The following PTGR1 variants were observed in gnomAD, a reference collection of about 807,000 sequenced individuals.
The protein encoded by PTGR1 is 15-oxoprostaglandin 13-reductase.
Under a neutral mutation model 37.7 loss-of-function variants are expected in PTGR1, and 23 were observed. The observed-to-expected ratio is 0.61, with a 90% CI of 0.44 to 0.86. The LOEUF is 0.86. PTGR1 is among the 40% of genes least tolerant of loss of function. PTGR1 has a pLI of 0.00. For missense variants in PTGR1, 351 were observed against 394.3 expected (o/e 0.89, Z 0.93); for synonymous variants, 134 against 140.0 (o/e 0.96, Z 0.30).
At position 111,585,930 on chromosome 9, in the gene PTGR1, G is replaced by A. The variant is rs1408000849; in HGVS notation, c.377+68C>T. 5 of 1,577,586 alleles carry A rather than the reference G, an allele frequency of 3.2e-6. No individual in the cohort carries two copies. The African/African-American group carries it at 5.4e-5, about 17-fold the overall frequency. On this transcript the variant is annotated intron_variant, in intron 5 of 9. Transcript: ENST00000407693. ...AATATCTTCCTGTTGACCAAGTTCTGAACAAACCATTTTGGAAAATCAGAG... is the reference window on the plus strand; with the variant it reads ...AATATCTTCCTGTTGACCAAGTTCTAAACAAACCATTTTGGAAAATCAGAG...
At chr9:111,584,840 T>G (rs1243127293) in intron 5 of PTGR1, among the ~76,000 whole-genome samples, 1 of 152,176 alleles carries the variant, frequency 6.6e-6, no homozygotes, top group Non-Finnish European at 1.5e-5. Context: ...GTTTTAAATT[T>G]GAAATGATGT....
chr9:111,574,831 C>T lies in PTGR1; in HGVS notation c.663G>A (p.Glu221=). The T allele has an allele frequency of 6.2e-7, 1 of 1,613,014 alleles. No individual in the cohort carries two copies. The highest frequency in any genetic ancestry group is 8.5e-7 in the Non-Finnish European group (1 of 1,179,262). The stretch of plus-strand genomic sequence containing the variant: ...TCTGGCCGATAACAGTGTTTGAAAA[C>T]TCTCCACCTACCTAAACAGATAGCA... ...YDCYFDNVGG[E]FSNTVIGQMK... Residue 221 remains glutamate (E), a synonymous_variant, in exon 8 of 10, where the codon GAG becomes GAA. Transcript: ENST00000407693.
At position 111,583,537 on chromosome 9, in the gene PTGR1, T is replaced by C. The variant is rs114998608; in HGVS notation, c.430A>G (p.Thr144Ala). The change falls in exon 6 of 10, where the codon ACA (threonine) becomes GCA (alanine). Residue 144 changes from threonine (T) to alanine (A), a missense_variant. Transcript: ENST00000407693. ...CCAGCTGCTGCATTAACCATCACTG[T>C]TTCTCCACCCTTCACACCACAGATT... ...LEICGVKGGE[T>A]VMVNAAAGAV... 5 of 1,614,148 alleles carry C rather than the reference T, an allele frequency of 3.1e-6. No homozygotes were observed. The highest frequency in any genetic ancestry group is 2.2e-5 in the East Asian group (1 of 44,892).
intron 5 of PTGR1, among the ~76,000 whole-genome samples, chr9:111,583,902 G>C (rs1829354999): frequency 6.6e-6 from 1 of 152,212 alleles, no homozygotes; most frequent in African/African-American, 2.4e-5. Context: ...GATTCAAGAA[G>C]AGAGAGCTGT....
chr9:111,550,846 C>T (rs1271653560), intron 9 of PTGR1, among the ~76,000 whole-genome samples: 4 of 152,100 alleles, frequency 2.6e-5, no homozygotes, highest in African/African-American at 4.8e-5. Flanking sequence ...TTTCTCTGAG[C>T]ATGTTAATTA....
intron 2 of PTGR1, among the ~76,000 whole-genome samples, chr9:111,596,028 C>T (rs1462116437): frequency 6.6e-6 from 1 of 152,182 alleles, no homozygotes; most frequent in Non-Finnish European, 1.5e-5. Context: ...AGGACATCCT[C>T]CCCATAGTCT....
chr9:111,570,570 ACCAG>A (rs1467520520), intron 8 of PTGR1, among the ~76,000 whole-genome samples: 1 of 151,830 alleles, frequency 6.6e-6, no homozygotes, highest in Non-Finnish European at 1.5e-5. Flanking sequence ...GGAGTTCGAG[ACCAG>A]CCTGGCCAAC....
At chr9:111,566,374 G>A (rs1463710097) in intron 9 of PTGR1, among the ~76,000 whole-genome samples, 1 of 152,172 alleles carries the variant, frequency 6.6e-6, no homozygotes. Flanking sequence ...CAGCTCCCTG[G>A]TGACAGCCCA....
intron 8 of PTGR1, 51 bp from the exon 9 acceptor site, chr9:111,570,260 G>C (rs748350109): frequency 1.3e-6 from 2 of 1,579,112 alleles, no homozygotes; most frequent in Non-Finnish European, 1.7e-6. Context: ...AGGTGCCCAT[G>C]GTGAAACAAG....
At chr9:111,571,109 G>C (rs1403959907) in intron 8 of PTGR1, among the ~76,000 whole-genome samples, 1 of 150,250 alleles carries the variant, frequency 6.7e-6, no homozygotes, top group African/African-American at 2.4e-5. Context: ...TTAACCTCTA[G>C]ACCTACAAGA....
chr9:111,568,209 G>A (rs1032825612), intron 9 of PTGR1, among the ~76,000 whole-genome samples: 2 of 152,132 alleles, frequency 1.3e-5, no homozygotes, highest in Non-Finnish European at 2.9e-5. Context: ...TGTGCAAGTA[G>A]GGAAGATATT....
At chr9:111,575,729 T>C (rs1829026536) in intron 7 of PTGR1, among the ~76,000 whole-genome samples, 1 of 152,152 alleles carries the variant, frequency 6.6e-6, no homozygotes, top group South Asian at 2.1e-4. Flanking sequence ...TTCCTTATAC[T>C]ACACACAAAA....
intron 4 of PTGR1, chr9:111,589,345 C>A: frequency 2.3e-6 from 2 of 880,538 alleles, no homozygotes; most frequent in Non-Finnish European, 2.7e-6. Context: ...CAGTAAAGAT[C>A]CATAGACGAT....
intron 4 of PTGR1, among the ~76,000 whole-genome samples, chr9:111,588,426 T>G: frequency 6.6e-6 from 1 of 151,992 alleles, no homozygotes; most frequent in Admixed American, 6.6e-5. Flanking sequence ...AGAGATGGGG[T>G]TTCACCTGTT....
In PTGR1 at chr9:111,592,986, CAAAAAAAAAAAAAAAAAAAAA is replaced by C. The variant is rs58142522; in HGVS notation, c.153-25_153-5del. 3.2e-5 allele frequency: 31 copies of C among 956,898 alleles called. 1 individual carries two copies. The highest frequency in any genetic ancestry group is 3.9e-5 in the Non-Finnish European group (30 of 763,556). 59.3% of individuals were successfully genotyped at this position (956,898 alleles called of 1,614,324 possible). A position where few individuals can be genotyped will look rare whatever the true frequency, so the allele number is the denominator to read the frequency against. ...CTTCAATCTTTTGGCTGCCACTCTG[CAAAAAAAAAAAAAAAAAAAAA>C]AAAAAAAAAATAGGTAAATAAATAA... On this transcript the variant is annotated splice_polypyrimidine_tract_variant and splice_region_variant and intron_variant, in intron 3 of 9. Transcript: ENST00000407693.
Position 111,571,178 on chromosome 9 carries a change from G to A in PTGR1, c.761-969C>T, listed in dbSNP as rs187797314. Among the ~76,000 whole-genome samples the A allele has an allele frequency of 1.7e-4, 26 of 149,792 alleles. 3 individuals carry two copies. The highest frequency in any genetic ancestry group is 6.1e-4 in the Admixed American group (9 of 14,732). ...CTATAATCCAGCATTTTGGGAGGCC[G>A]AGGCAGGCAGATCACTTGAAGTCAG... On this transcript the variant is annotated intron_variant, in intron 8 of 9. Transcript: ENST00000407693.
chr9:111,563,020 T>C lies in PTGR1; in HGVS notation c.*101A>G. 6.7e-7 allele frequency: 1 copy of C among 1,484,064 alleles called. No homozygotes were observed. The highest frequency in any genetic ancestry group is 8.9e-7 in the Non-Finnish European group (1 of 1,118,406). 91.9% of individuals were successfully genotyped at this position (1,484,064 alleles called of 1,614,324 possible). ...AGTAGCTCAAACTCATTATGAGTAC[T>C]ATTTCTTAAGACATTTAAGGTAGTA... On this transcript the variant is annotated 3_prime_UTR_variant, in exon 10 of 10. Coordinates refer to ENST00000407693, the MANE Select transcript of PTGR1 (RefSeq NM_001146108.2).
At chr9:111,576,116 C>T (rs1159008689) in intron 7 of PTGR1, among the ~76,000 whole-genome samples, 1 of 151,038 alleles carries the variant, frequency 6.6e-6, no homozygotes, top group Admixed American at 6.6e-5. Context: ...GCTGTCATCA[C>T]ATACTGCACT....
In PTGR1 at chr9:111,562,932, T is replaced by C. The variant is rs995330113; in HGVS notation, c.*189A>G. 38 of 1,384,282 alleles carry C rather than the reference T, an allele frequency of 2.7e-5. No homozygotes were observed. Among genetic ancestry groups the C allele is most frequent in the Non-Finnish European group, 3.4e-5 (36 of 1,069,852 alleles). 85.7% of individuals were successfully genotyped at this position (1,384,282 alleles called of 1,614,324 possible). On this transcript the variant is annotated 3_prime_UTR_variant, in exon 10 of 10. Transcript: ENST00000407693. ...TAGTGAACAGTGAGGTGACTGGTTG[T>C]TGTTGACTTTGAAACTTCCATCCTC...
Sources: gnomAD v4.1 joint callset for allele counts (sites outside exome capture counted in the v4.1 genomes callset) on GRCh38, gnomAD v4.1.1 for gene constraint, MANE v1.5 for transcripts, NCBI Gene and HGNC (gene_info 2026-07-23, HGNC 2026-07-21) for gene names.